PDE4D: variants seen among roughly 807,000 people sequenced by gnomAD.
PDE4D encodes the protein 3',5'-cyclic-AMP phosphodiesterase 4D.
Under a neutral mutation model 87.4 loss-of-function variants are expected in PDE4D, and 24 were observed. The observed-to-expected ratio is 0.27, with a 90% CI of 0.20 to 0.39. PDE4D has a LOEUF of 0.39. Among genes scored for constraint, PDE4D ranks in the 10% least tolerant of loss-of-function variants. PDE4D has a pLI of 1.00. For synonymous variants in PDE4D, 384 were observed against 383.2 expected, an observed-to-expected ratio of 1.00 and a Z score of -0.02; for missense variants, 714 against 1,041.0, an observed-to-expected ratio of 0.69 and a Z score of 4.32.
intron 5 of PDE4D, among the ~76,000 whole-genome samples, chr5:59,101,884 T>C (rs1438334831): frequency 6.6e-6 from 1 of 152,044 alleles, no homozygotes; most frequent in African/African-American, 2.4e-5. Flanking sequence ...CAGTAGTGTC[T>C]TTTCCACTAA....
chr5:60,376,998 G>GA (rs1228308164), intron 1 of PDE4D, among the ~76,000 whole-genome samples: 2 of 152,144 alleles, frequency 1.3e-5, no homozygotes, highest in African/African-American at 4.8e-5. Flanking sequence ...AGTCAACACT[G>GA]ACTTTCACCA....
chr5:59,822,027 T>G (rs1435951425), intron 1 of PDE4D, among the ~76,000 whole-genome samples: 5 of 152,206 alleles, frequency 3.3e-5, no homozygotes, highest in Non-Finnish European at 5.9e-5. Flanking sequence ...TCGTTATAAA[T>G]AAATTTTAAA....
chr5:59,354,351 A>C (rs1362543705), intron 1 of PDE4D, among the ~76,000 whole-genome samples: 5 of 152,214 alleles, frequency 3.3e-5, no homozygotes, highest in African/African-American at 1.2e-4. Context: ...TAAGAAATGC[A>C]AAAACAAGGC....
intron 1 of PDE4D, among the ~76,000 whole-genome samples, chr5:60,386,564 G>T (rs1762206367): frequency 6.6e-6 from 1 of 152,164 alleles, no homozygotes; most frequent in Non-Finnish European, 1.5e-5. Context: ...TCCTCTGCAG[G>T]GGGGTTCTGC....
intron 1 of PDE4D, among the ~76,000 whole-genome samples, chr5:59,541,241 C>T (rs571634657): frequency 1.3e-5 from 2 of 152,304 alleles, no homozygotes; most frequent in South Asian, 2.1e-4. Flanking sequence ...TATTGCCTGA[C>T]TGGCTGTCTC....
intron 3 of PDE4D, among the ~76,000 whole-genome samples, chr5:59,986,021 T>C (rs1437408737): frequency 1.3e-5 from 2 of 152,236 alleles, no homozygotes; most frequent in Non-Finnish European, 2.9e-5. Context: ...TGCTGGGACA[T>C]AGACAATTCG....
chr5:60,108,425 C>T (rs1306589435), intron 2 of PDE4D, among the ~76,000 whole-genome samples: 1 of 152,116 alleles, frequency 6.6e-6, no homozygotes, highest in Non-Finnish European at 1.5e-5. Context: ...GTGAAAATGG[C>T]CATACTGCCC....
At chr5:59,074,232 A>G (rs1482422665) in intron 5 of PDE4D, among the ~76,000 whole-genome samples, 1 of 152,194 alleles carries the variant, frequency 6.6e-6, no homozygotes, top group Non-Finnish European at 1.5e-5. Context: ...TTCTGGAAAG[A>G]TGATAATACA....
chr5:59,098,536 A>G (rs938763135), intron 5 of PDE4D, among the ~76,000 whole-genome samples: 3 of 82,688 alleles, frequency 3.6e-5, no homozygotes, highest in East Asian at 5.9e-4. Flanking sequence ...CATCTCTACA[A>G]AAAATTAAAA....
intron 1 of PDE4D, among the ~76,000 whole-genome samples, chr5:60,315,925 C>T (rs887262660): frequency 6.6e-6 from 1 of 152,166 alleles, no homozygotes; most frequent in Non-Finnish European, 1.5e-5. Flanking sequence ...TAGCGTGATG[C>T]TTCCAGCTTT....
intron 1 of PDE4D, among the ~76,000 whole-genome samples, chr5:59,681,849 C>A (rs1418459004): frequency 2.8e-5 from 4 of 142,014 alleles, no homozygotes; most frequent in Non-Finnish European, 1.5e-5. Context: ...TGCAGTGAGC[C>A]GAGGCGGAGT....
chr5:59,698,571 A>G (rs1165670031), intron 1 of PDE4D, among the ~76,000 whole-genome samples: 1 of 152,168 alleles, frequency 6.6e-6, no homozygotes, highest in Non-Finnish European at 1.5e-5. Flanking sequence ...CACTAAATGT[A>G]AAAAGAATGA....
intron 2 of PDE4D, among the ~76,000 whole-genome samples, chr5:60,059,038 A>ATGTG (rs1413944284): frequency 2.0e-5 from 1 of 49,296 alleles, no homozygotes; most frequent in African/African-American, 8.1e-5. Flanking sequence ...TGGCATTGTC[A>ATGTG]TATGTGTGTG....
chr5:60,425,055 C>T (rs1005723156), intron 1 of PDE4D, among the ~76,000 whole-genome samples: 1 of 150,108 alleles, frequency 6.7e-6, no homozygotes. Context: ...AATGGAAGAA[C>T]GTTCCATGCT....
At chr5:59,627,768 G>A (rs1166618617) in intron 1 of PDE4D, among the ~76,000 whole-genome samples, 3 of 152,086 alleles carry the variant, frequency 2.0e-5, no homozygotes, top group Admixed American at 2.0e-4. Context: ...CTAGCCTTTG[G>A]TTACTTCCTG....
intron 1 of PDE4D, among the ~76,000 whole-genome samples, chr5:59,396,091 C>G (rs1789361255): frequency 8.4e-6 from 1 of 119,728 alleles, no homozygotes; most frequent in Admixed American, 8.2e-5. Flanking sequence ...GTGAATAGAC[C>G]AAGTCTACGT....
At chr5:59,619,609 C>A (rs773631798) in intron 1 of PDE4D, among the ~76,000 whole-genome samples, 8 of 152,066 alleles carry the variant, frequency 5.3e-5, no homozygotes, top group Non-Finnish European at 1.2e-4. Context: ...AAAGTGCTGA[C>A]GAAAGAACAC....
At chr5:59,905,777 T>C (rs533441961) in intron 3 of PDE4D, among the ~76,000 whole-genome samples, 1 of 152,290 alleles carries the variant, frequency 6.6e-6, no homozygotes, top group East Asian at 1.9e-4. Flanking sequence ...GTTATACATA[T>C]AATTTAGGAA....
At chr5:60,274,847 T>C (rs1351275875) in intron 1 of PDE4D, among the ~76,000 whole-genome samples, 1 of 152,242 alleles carries the variant, frequency 6.6e-6, no homozygotes, top group East Asian at 1.9e-4. Flanking sequence ...AATGCAAATA[T>C]CCAGATGTCC....
Sources: allele counts gnomAD v4.1 joint callset (sites outside exome capture counted in the v4.1 genomes callset), GRCh38; gene constraint gnomAD v4.1.1; transcripts MANE v1.5; gene names NCBI Gene and HGNC (gene_info 2026-07-23, HGNC 2026-07-21).